Variants in LRMDA observed in about 807,000 individuals in gnomAD.
LRMDA encodes leucine-rich melanocyte differentiation-associated protein.
LRMDA carries 18 observed loss-of-function variants against 29.8 expected under a neutral mutation model. The observed-to-expected ratio is 0.60, with a 90% CI of 0.42 to 0.90. The LOEUF is 0.90. Ranked by LOEUF, LRMDA falls within the 40% of genes least tolerant of loss-of-function variation. The probability of loss-of-function intolerance (pLI) is 0.00; values close to 1 mark genes in which losing one functional copy is unlikely to be tolerated. For synonymous variants in LRMDA, 125 were observed against 109.4 expected (o/e 1.14, Z -0.89); for missense variants, 273 against 273.9 (o/e 1.00, Z 0.02).
In LRMDA at chr10:76,548,242, T is replaced by G. The variant is rs144932535; in HGVS notation, c.602-8967T>G. ...CCGCTGTAAAATGAAAGAATTTACC[T>G]AAAATGAGGTTCTTTAAATTCTTTC... is the stretch of plus-strand genomic sequence containing the variant. On this transcript the variant is annotated intron_variant, in intron 6 of 6. Transcript: ENST00000611255. Among the ~76,000 whole-genome samples, 1,186 of 152,276 alleles carry G rather than the reference T, an allele frequency of 7.8e-3. 11 individuals are homozygous for G. Among genetic ancestry groups the G allele is most frequent in the African/African-American group, 0.027 (1,112 of 41,552 alleles).
intron 2 of LRMDA, among the ~76,000 whole-genome samples, chr10:75,598,429 T>G (rs1218157855): frequency 6.6e-6 from 1 of 152,084 alleles, no homozygotes; most frequent in Non-Finnish European, 1.5e-5. Flanking sequence ...TTACCTCTCT[T>G]TTAAGACAGA....
chr10:75,623,795 G>A (rs1347090912), intron 2 of LRMDA, among the ~76,000 whole-genome samples: 6 of 152,206 alleles, frequency 3.9e-5, no homozygotes, highest in Non-Finnish European at 8.8e-5. Context: ...ATCTTTATCA[G>A]CCAAAGTGGT....
intron 5 of LRMDA, among the ~76,000 whole-genome samples, chr10:76,258,092 C>A (rs1420387567): frequency 6.6e-6 from 1 of 152,210 alleles, no homozygotes; most frequent in African/African-American, 2.4e-5. Flanking sequence ...GGTGGAGAAC[C>A]AGACTCTACC....
At chr10:75,664,509 G>A (rs890758106) in intron 2 of LRMDA, among the ~76,000 whole-genome samples, 1 of 152,146 alleles carries the variant, frequency 6.6e-6, no homozygotes, top group Non-Finnish European at 1.5e-5. Flanking sequence ...ATATTATACT[G>A]TGTTCTATGA....
chr10:76,523,822 A>G (rs1843146774), intron 6 of LRMDA, among the ~76,000 whole-genome samples: 2 of 152,230 alleles, frequency 1.3e-5, no homozygotes, highest in East Asian at 1.9e-4. Flanking sequence ...CCATTTCCCA[A>G]CTTTAACTTT....
chr10:75,645,305 A>T (rs906973978), intron 2 of LRMDA, among the ~76,000 whole-genome samples: 2 of 152,190 alleles, frequency 1.3e-5, no homozygotes, highest in African/African-American at 4.8e-5. Flanking sequence ...CTTAAAGATA[A>T]ATTGTGAACT....
intron 5 of LRMDA, among the ~76,000 whole-genome samples, chr10:76,170,925 A>G (rs946439079): frequency 9.8e-5 from 15 of 152,350 alleles, no homozygotes; most frequent in African/African-American, 3.4e-4. Flanking sequence ...GTTAATAAAT[A>G]TGAAATGCTT....
chr10:76,384,660 G>T (rs1362616653), intron 6 of LRMDA, among the ~76,000 whole-genome samples: 2 of 152,182 alleles, frequency 1.3e-5, no homozygotes, highest in Non-Finnish European at 2.9e-5. Context: ...CCACAACTCT[G>T]TGAGCTCCCA....
At chr10:75,490,560 G>C (rs933458277) in intron 2 of LRMDA, among the ~76,000 whole-genome samples, 9 of 152,160 alleles carry the variant, frequency 5.9e-5, no homozygotes, top group African/African-American at 1.9e-4. Flanking sequence ...CACAGTCATA[G>C]AATATTAGAA....
At chr10:75,704,617 C>G (rs937003854) in intron 2 of LRMDA, among the ~76,000 whole-genome samples, 2 of 152,148 alleles carry the variant, frequency 1.3e-5, no homozygotes, top group Non-Finnish European at 2.9e-5. Context: ...GAGTCTTGGT[C>G]TCATGTTGGC....
chr10:76,114,602 G>A (rs1212723637), intron 5 of LRMDA, among the ~76,000 whole-genome samples: 1 of 152,150 alleles, frequency 6.6e-6, no homozygotes. Context: ...GTATTGATAG[G>A]TCGAGTTTAC....
intron 6 of LRMDA, among the ~76,000 whole-genome samples, chr10:76,461,823 C>G (rs1657414482): frequency 1.3e-5 from 2 of 152,030 alleles, no homozygotes; most frequent in African/African-American, 2.4e-5. Flanking sequence ...ACCTATAATT[C>G]CAGAACTTTG....
intron 6 of LRMDA, among the ~76,000 whole-genome samples, chr10:76,489,479 T>A (rs1027038712): frequency 6.6e-6 from 1 of 151,958 alleles, no homozygotes; most frequent in Non-Finnish European, 1.5e-5. Context: ...ATTTCATTGA[T>A]CTTTTGTATT....
At chr10:75,947,466 T>A (rs1222997937) in intron 2 of LRMDA, among the ~76,000 whole-genome samples, 2 of 152,164 alleles carry the variant, frequency 1.3e-5, no homozygotes, top group Non-Finnish European at 2.9e-5. Context: ...CGGATATTCA[T>A]GTAGGCAGGT....
chr10:76,195,272 T>C (rs976335272), intron 5 of LRMDA, among the ~76,000 whole-genome samples: 1 of 152,196 alleles, frequency 6.6e-6, no homozygotes, highest in African/African-American at 2.4e-5. Flanking sequence ...ATGGGGTCTG[T>C]TGGGAAGGTT....
intron 2 of LRMDA, among the ~76,000 whole-genome samples, chr10:75,894,323 C>T (rs1288456404): frequency 1.3e-5 from 2 of 152,170 alleles, no homozygotes; most frequent in African/African-American, 4.8e-5. Context: ...ATAATAGTCT[C>T]CAATCTCATC....
chr10:75,870,358 A>G (rs1232054802), intron 2 of LRMDA, among the ~76,000 whole-genome samples: 1 of 137,752 alleles, frequency 7.3e-6, no homozygotes, highest in East Asian at 2.3e-4. Flanking sequence ...TGTATAATGA[A>G]TTGATTTCTC....
intron 2 of LRMDA, among the ~76,000 whole-genome samples, chr10:75,688,540 A>T (rs1425388146): frequency 6.6e-6 from 1 of 152,244 alleles, no homozygotes; most frequent in Non-Finnish European, 1.5e-5. Context: ...TAGTTTCTTG[A>T]GATGGAATCT....
intron 6 of LRMDA, among the ~76,000 whole-genome samples, chr10:76,513,729 C>G (rs1417012776): frequency 2.0e-5 from 3 of 152,156 alleles, no homozygotes; most frequent in African/African-American, 7.2e-5. Flanking sequence ...AAGTCTACTT[C>G]TCATAAAGGT....
Sources: gnomAD v4.1 joint callset for allele counts (sites outside exome capture counted in the v4.1 genomes callset) on GRCh38, gnomAD v4.1.1 for gene constraint, MANE v1.5 for transcripts, NCBI Gene and HGNC (gene_info 2026-07-23, HGNC 2026-07-21) for gene names.